ABCC3: variants seen among roughly 807,000 people sequenced by gnomAD.
The protein encoded by ABCC3 is ATP binding cassette subfamily C member 3.
ABCC3 carries 121 observed loss-of-function variants against 165.3 expected under a neutral mutation model. The ratio of observed to expected loss-of-function variants is 0.73; its 90% confidence interval spans 0.63 to 0.85. ABCC3 has a LOEUF of 0.85. Among genes scored for constraint, ABCC3 ranks in the 40% least tolerant of loss-of-function variants. The pLI, the probability that ABCC3 is intolerant of heterozygous loss-of-function variation, is 0.00. For synonymous variants in ABCC3, 733 were observed against 810.1 expected (o/e 0.90, Z 1.62); for missense variants, 1,869 against 1,964.1 (o/e 0.95, Z 0.92).
Position 50,659,228 on chromosome 17 carries a change from T to TC in ABCC3, c.675-3dup, listed in dbSNP as rs1250029019. On this transcript the variant is annotated splice_polypyrimidine_tract_variant and intron_variant, in intron 6 of 30. Coordinates refer to ENST00000285238, the MANE Select transcript of ABCC3 (RefSeq NM_003786.4). ...GCGGGGCTGCCTGCCGGGCTTCACC[T>TC]CCCCCCAGGATGGCCATCTATGGCT... is the stretch of plus-strand genomic sequence containing the variant. The TC allele has an allele frequency of 2.5e-6, 4 of 1,612,054 alleles. No individual in the cohort carries two copies. The highest frequency in any genetic ancestry group is 3.4e-6 in the Non-Finnish European group (4 of 1,178,960).
intron 1 of ABCC3, among the ~76,000 whole-genome samples, chr17:50,644,821 A>G (rs957729592): frequency 6.6e-6 from 1 of 152,226 alleles, no homozygotes; most frequent in Admixed American, 6.5e-5. Flanking sequence ...GATCGAGACC[A>G]TCCTCGCTAA....
intron 19 of ABCC3, among the ~76,000 whole-genome samples, chr17:50,674,060 CTTTCTTTCTTTCTTTTTTT>C: frequency 1.6e-5 from 1 of 62,278 alleles, no homozygotes; most frequent in Admixed American, 1.8e-4. Context: ...TTCTTTCTTT[CTTTCTTTCTTTCTTTTTTT>C]TCTTTTGAGG....
Position 50,688,928 on chromosome 17 carries a change from C to T in ABCC3, c.4475+1198C>T, listed in dbSNP as rs568672050. On this transcript the variant is annotated intron_variant, in intron 30 of 30. Coordinates refer to ENST00000285238, the MANE Select transcript of ABCC3 (RefSeq NM_003786.4). The stretch of plus-strand genomic sequence containing the variant: ...AAAAAAAAAAAAAAATGGTGGCCAA[C>T]GCGGTGGCTCACACCTGTAATCCCA... Among the ~76,000 whole-genome samples, 4 of 151,180 alleles carry T rather than the reference C, an allele frequency of 2.6e-5. No homozygotes were observed. In the South Asian group the frequency reaches 6.3e-4, roughly 24 times the overall value.
Position 50,684,096 on chromosome 17 carries a change from A to G in ABCC3, c.4102A>G (p.Ile1368Val). The change falls in exon 28 of 31, where the codon ATC (isoleucine) becomes GTC (valine). Residue 1368 changes from isoleucine (I) to valine (V), a missense_variant. Coordinates refer to ENST00000285238, the MANE Select transcript of ABCC3 (RefSeq NM_003786.4). ...CCATGACCTGCGCTCTCAGCTGACCATCATCCCGCAGGTAGGAGCCTGGCA... is the reference window on the plus strand; with the variant it reads ...CCATGACCTGCGCTCTCAGCTGACCGTCATCCCGCAGGTAGGAGCCTGGCA... Reference protein sequence around the residue: ...GLHDLRSQLTIIPQDPILFSG... With the variant: ...GLHDLRSQLTVIPQDPILFSG... 1 of 1,612,782 alleles carries G rather than the reference A, an allele frequency of 6.2e-7. No homozygotes were observed. Among genetic ancestry groups the G allele is most frequent in the Non-Finnish European group, 8.5e-7 (1 of 1,179,538 alleles).
intron 1 of ABCC3, among the ~76,000 whole-genome samples, chr17:50,648,625 G>A (rs1967050258): frequency 6.6e-6 from 1 of 152,184 alleles, no homozygotes; most frequent in South Asian, 2.1e-4. Context: ...AAGCCCAACA[G>A]CCAATAAGCT....
Position 50,687,650 on chromosome 17 carries a change from G to T in ABCC3, c.4395G>T (p.Gln1465His), listed in dbSNP as rs144430887. Residue 1465 changes from glutamine to histidine, a missense_variant, in exon 30 of 31, where the codon CAG becomes CAT. Physicochemically the swap from Gln to His is conservative, Grantham distance 24. Coordinates refer to ENST00000285238, the MANE Select transcript of ABCC3 (RefSeq NM_003786.4). ...AIDLETDNLI[Q>H]ATIRTQFDTC... ...ACCTGGAGACTGACAACCTCATCCA[G>T]GCTACCATCCGCACCCAGTTTGATA... The T allele has an allele frequency of 1.2e-5, 19 of 1,614,224 alleles. No homozygotes were observed. The highest frequency in any genetic ancestry group is 1.2e-5 in the Non-Finnish European group (14 of 1,180,044).
At position 50,675,408 on chromosome 17, in the gene ABCC3, A is replaced by T; in HGVS notation, c.2646A>T (p.Thr882=). The change falls in exon 20 of 31, where the codon ACA becomes ACT. Residue 882 remains threonine, a synonymous_variant. Transcript: ENST00000285238. ...EDKEALLIED[T]LSNHTDLTDN... ...AGGAGGCACTGCTGATTGAAGACAC[A>T]CTCAGCAACCACACGGATCTGACAG... The T allele has an allele frequency of 6.2e-7, 1 of 1,614,014 alleles. No individual in the cohort carries two copies. The highest frequency in any genetic ancestry group is 8.5e-7 in the Non-Finnish European group (1 of 1,179,968).
At chr17:50,675,167 C>T (rs935432674) in intron 19 of ABCC3, among the ~76,000 whole-genome samples, 195 bp from the exon 20 acceptor site, 2 of 152,158 alleles carry the variant, frequency 1.3e-5, no homozygotes, top group African/African-American at 4.8e-5. Flanking sequence ...TATTTGAGTC[C>T]GTTTCTCCAT....
chr17:50,663,075 T>A (rs1334313974), intron 8 of ABCC3: 2 of 141,466 alleles, frequency 1.4e-5, no homozygotes, highest in African/African-American at 5.4e-5. Flanking sequence ...AGTTTGTGAG[T>A]GGCAAGGAGT....
intron 1 of ABCC3, among the ~76,000 whole-genome samples, chr17:50,655,294 T>C (rs1967205800): frequency 2.0e-5 from 3 of 149,522 alleles, no homozygotes; most frequent in African/African-American, 4.9e-5. Flanking sequence ...TAGTCCCAGC[T>C]ACTCAGGAGG....
intron 10 of ABCC3, chr17:50,664,500 C>T (rs752275387): frequency 8.3e-5 from 19 of 230,242 alleles, no homozygotes; most frequent in Non-Finnish European, 1.2e-4. Context: ...GTCAGGAGTT[C>T]GAGACCAGCC....
chr17:50,671,495 T>C (rs1369777410), intron 17 of ABCC3, among the ~76,000 whole-genome samples: 1 of 152,074 alleles, frequency 6.6e-6, no homozygotes, highest in African/African-American at 2.4e-5. Context: ...TTTCTATTGC[T>C]TATAAGAGAA....
At position 50,660,948 on chromosome 17, in the gene ABCC3, A is replaced by G. The variant is rs1450079323; in HGVS notation, c.832A>G (p.Lys278Glu). 6.2e-7 allele frequency: 1 copy of G among 1,608,824 alleles called. No homozygotes were observed. Among genetic ancestry groups the G allele is most frequent in the Non-Finnish European group, 8.5e-7 (1 of 1,177,536 alleles). The change falls in exon 8 of 31, where the codon AAA becomes GAA. Residue 278 changes from lysine to glutamate, a missense_variant. By Grantham distance (56) the Lys-to-Glu change is moderately conservative. Transcript: ENST00000285238. ...ARHKASAAPG[K>E]NASGEDEVLL... Reference sequence around the variant, plus strand: ...ACACAAGGCTTCAGCAGCACCTGGGAAAAATGCCTCCGGCGAGGACGAGGT... The same window carrying G: ...ACACAAGGCTTCAGCAGCACCTGGGGAAAATGCCTCCGGCGAGGACGAGGT...
intron 1 of ABCC3, among the ~76,000 whole-genome samples, chr17:50,647,349 G>A (rs781644618): frequency 1.3e-5 from 2 of 152,224 alleles, no homozygotes; most frequent in Non-Finnish European, 1.5e-5. Context: ...GGCAGAGGCA[G>A]GCAAGGCCAA....
chr17:50,658,645 G>C, intron 6 of ABCC3, 149 bp downstream of exon 6: 1 of 884,090 alleles, frequency 1.1e-6, no homozygotes, highest in Non-Finnish European at 1.8e-6. Context: ...TGAGGGTAGG[G>C]AAGTGGTCTG....
intron 17 of ABCC3, among the ~76,000 whole-genome samples, chr17:50,670,089 C>CT (rs998345601): frequency 4.4e-4 from 64 of 145,600 alleles, no homozygotes; most frequent in Admixed American, 1.3e-3. Context: ...CTGAGCATCA[C>CT]TTTTTTTTTT....
intron 8 of ABCC3, chr17:50,663,437 C>G (rs4148413): frequency 0.25 from 131,191 of 533,118 alleles, 17,880 homozygotes; most frequent in African/African-American, 0.44. Flanking sequence ...GTGAGAGCGT[C>G]ATCGATAGGG....
chr17:50,663,872 G>C lies in ABCC3; in HGVS notation c.1176+14G>C. ...ATCTACAGGAAGGTCAGCTGGAGCA[G>C]GGCCCAGGGGAAAGGCTGGCCCTGG... On this transcript the variant is annotated intron_variant, in intron 9 of 30. Transcript: ENST00000285238. The C allele has an allele frequency of 1.2e-6, 2 of 1,614,218 alleles. No homozygotes were observed. The highest frequency in any genetic ancestry group is 1.7e-6 in the Non-Finnish European group (2 of 1,180,036).
chr17:50,656,904 T>A lies in ABCC3; in HGVS notation c.348+77T>A, dbSNP rs1181256659. The A allele has an allele frequency of 6.4e-6, 10 of 1,551,706 alleles. No homozygotes were observed. The East Asian group carries it at 2.3e-4, about 35-fold the overall frequency. ...GGACTGTGATAGGGAAACTGTGGGC[T>A]CTGAGGAGAGGGCTGGACATATTGG... On this transcript the variant is annotated intron_variant, in intron 3 of 30. Transcript: ENST00000285238.
Sources: gnomAD v4.1 joint callset for allele counts (sites outside exome capture counted in the v4.1 genomes callset) on GRCh38, gnomAD v4.1.1 for gene constraint, MANE v1.5 for transcripts, NCBI Gene and HGNC (gene_info 2026-07-23, HGNC 2026-07-21) for gene names.